SCAI: variants seen among roughly 807,000 people sequenced by gnomAD.
The protein encoded by SCAI is protein SCAI.
In SCAI, 24 loss-of-function variants were observed where a neutral mutation model predicts 92.2. The observed-to-expected ratio is 0.26, with a 90% confidence interval of 0.19 to 0.37. The LOEUF (loss-of-function observed/expected upper bound fraction) is 0.37, where lower values mean the gene tolerates loss of function less well. Among genes scored for constraint, SCAI ranks in the 10% least tolerant of loss-of-function variants. SCAI has a pLI of 1.00. For missense variants in SCAI, 450 were observed against 736.2 expected, an observed-to-expected ratio of 0.61 and a Z score of 4.50; for synonymous variants, 261 against 258.6, an observed-to-expected ratio of 1.01 and a Z score of -0.09.
At chr9:125,057,855 A>C (rs917808537) in intron 2 of SCAI, among the ~76,000 whole-genome samples, 1 of 152,196 alleles carries the variant, frequency 6.6e-6, no homozygotes, top group Non-Finnish European at 1.5e-5. Flanking sequence ...GCACTTTGGG[A>C]GGCAGAAGCA....
At chr9:125,008,335 C>A (rs993792815) in intron 9 of SCAI, among the ~76,000 whole-genome samples, 1 of 152,046 alleles carries the variant, frequency 6.6e-6, no homozygotes, top group Non-Finnish European at 1.5e-5. Flanking sequence ...CAGGGTTTCA[C>A]CATGTTGGCC....
intron 14 of SCAI, among the ~76,000 whole-genome samples, chr9:124,984,656 A>G (rs892655378): frequency 4.0e-5 from 6 of 151,864 alleles, no homozygotes; most frequent in African/African-American, 1.5e-4. Context: ...AAAATGGGGA[A>G]AGCTGTATAT....
chr9:125,015,731 G>A (rs575255205), intron 9 of SCAI, among the ~76,000 whole-genome samples: 8 of 152,048 alleles, frequency 5.3e-5, no homozygotes, highest in East Asian at 3.9e-4. Context: ...ACATGCACAC[G>A]TATGTCTACT....
At chr9:124,983,190 A>C (rs1025785174) in intron 14 of SCAI, among the ~76,000 whole-genome samples, 7 of 151,968 alleles carry the variant, frequency 4.6e-5, no homozygotes, top group Admixed American at 1.3e-4. Context: ...CATTCACTTA[A>C]AACAGTATAT....
rs993578975 is a variant in SCAI at position 125,091,764 on chromosome 9, C to T, written c.99-35757G>A. 2.6e-5 allele frequency among the ~76,000 whole-genome samples: 4 copies of T among 152,154 alleles called. No homozygotes were observed. Among genetic ancestry groups the T allele is most frequent in the Non-Finnish European group, 5.9e-5 (4 of 68,034 alleles). On this transcript the variant is annotated intron_variant, in intron 2 of 17. Transcript: ENST00000336505. The surrounding 1 kb of genome is among the most constrained non-coding windows in gnomAD (Gnocchi z 4.3). Reference sequence around the variant, plus strand: ...TTCTCTCCTCAAACATCCAACATCTCATCCGCCATCCCCACTTTTCAGCTG... The same window carrying T: ...TTCTCTCCTCAAACATCCAACATCTTATCCGCCATCCCCACTTTTCAGCTG...
At chr9:125,007,481 G>A (rs72765231) in intron 9 of SCAI, among the ~76,000 whole-genome samples, 5 of 151,980 alleles carry the variant, frequency 3.3e-5, no homozygotes, top group African/African-American at 1.2e-4. Context: ...TTGAGGCCAG[G>A]AGTTTGAGAC....
In SCAI at chr9:125,033,293, G is replaced by T. The variant is rs148172706; in HGVS notation, c.231-3554C>A. Among the ~76,000 whole-genome samples, 7 of 152,162 alleles carry T rather than the reference G, an allele frequency of 4.6e-5. No individual in the cohort carries two copies. The East Asian group carries it at 1.4e-3, about 29-fold the overall frequency. ...AAATGCTTCACAAAGAGAAAGATTT[G>T]GATAGGCAAAAGAGAAAGAAGAGAT... On this transcript the variant is annotated intron_variant, in intron 3 of 17. Transcript: ENST00000336505.
At chr9:125,029,404 G>A (rs1430175037) in intron 4 of SCAI, among the ~76,000 whole-genome samples, 1 of 152,160 alleles carries the variant, frequency 6.6e-6, no homozygotes, top group Admixed American at 6.5e-5. Flanking sequence ...TTACAGGCAT[G>A]AGCCACCATG....
chr9:125,060,262 GA>G (rs34193153), intron 2 of SCAI, among the ~76,000 whole-genome samples: 2,446 of 89,420 alleles, frequency 0.027, 28 homozygotes, highest in African/African-American at 0.055. Flanking sequence ...GGCTTAGTAT[GA>G]AAAAAAAAAA....
intron 17 of SCAI, among the ~76,000 whole-genome samples, chr9:124,958,286 G>A (rs947967805): frequency 6.6e-6 from 1 of 152,100 alleles, no homozygotes; most frequent in Admixed American, 6.5e-5. Flanking sequence ...AAATCTTTTG[G>A]GGAAGGGGAC....
chr9:125,046,116 T>A (rs1445436994), intron 3 of SCAI, among the ~76,000 whole-genome samples: 5 of 145,516 alleles, frequency 3.4e-5, no homozygotes, highest in African/African-American at 1.0e-4. Context: ...CACATGGTTA[T>A]AATGGCACAA....
At chr9:125,046,105 A>G (rs1288060701) in intron 3 of SCAI, among the ~76,000 whole-genome samples, 1 of 148,600 alleles carries the variant, frequency 6.7e-6, no homozygotes, top group Non-Finnish European at 1.5e-5. Context: ...ATACCTGCAC[A>G]CACATGGTTA....
intron 3 of SCAI, among the ~76,000 whole-genome samples, chr9:125,050,310 A>C (rs1056417798): frequency 2.0e-4 from 31 of 152,284 alleles, no homozygotes; most frequent in African/African-American, 6.7e-4. Flanking sequence ...AACCAAAAAA[A>C]CCTTATAATT....
intron 2 of SCAI, among the ~76,000 whole-genome samples, chr9:125,120,023 C>T (rs548880019): frequency 9.2e-5 from 14 of 152,266 alleles, no homozygotes; most frequent in East Asian, 7.7e-4. Flanking sequence ...AAACGTGACA[C>T]GTCGTTTGAG....
At chr9:125,108,043 G>C (rs567559461) in intron 2 of SCAI, among the ~76,000 whole-genome samples, 4 of 152,136 alleles carry the variant, frequency 2.6e-5, no homozygotes, top group Non-Finnish European at 4.4e-5. Context: ...TGTGTTGGCC[G>C]GGCTGGTCTC....
intron 2 of SCAI, among the ~76,000 whole-genome samples, chr9:125,132,680 C>G (rs1835427823): frequency 6.6e-6 from 1 of 152,082 alleles, no homozygotes; most frequent in African/African-American, 2.4e-5. Context: ...CAATTAAAAG[C>G]ATTCTCAGGC....
rs1831247718 is a variant in SCAI, at chr9:124,952,539, T to C, written c.*268A>G. Reference sequence around the variant, plus strand: ...AGGGTGAGAATAGTGACTATTTGAGTGTAGGATTAGAAGTTGGAGGTAAAT... The same window carrying C: ...AGGGTGAGAATAGTGACTATTTGAGCGTAGGATTAGAAGTTGGAGGTAAAT... On this transcript the variant is annotated 3_prime_UTR_variant, in exon 18 of 18. Transcript: ENST00000336505. 3.2e-6 allele frequency: 1 copy of C among 311,780 alleles called. No individual in the cohort carries two copies. Among genetic ancestry groups the C allele is most frequent in the East Asian group, 6.7e-5 (1 of 14,952 alleles). The allele number at this position is 311,780 out of a possible 1,614,324, so 19.3% of individuals were successfully genotyped here. A position where few individuals can be genotyped will look rare whatever the true frequency, so the allele number is the denominator to read the frequency against.
chr9:125,117,892 T>C (rs1835079900), intron 2 of SCAI, among the ~76,000 whole-genome samples: 1 of 152,180 alleles, frequency 6.6e-6, no homozygotes, highest in Non-Finnish European at 1.5e-5. Flanking sequence ...ACTGTGCCAC[T>C]TCCTAGCTGT....
intron 14 of SCAI, among the ~76,000 whole-genome samples, chr9:124,976,786 T>C (rs958346498): frequency 5.9e-5 from 9 of 151,700 alleles, no homozygotes; most frequent in African/African-American, 2.2e-4. Context: ...CTCCTAGGAG[T>C]AAACTTAAAA....
Sources: allele counts gnomAD v4.1 joint callset (sites outside exome capture counted in the v4.1 genomes callset), GRCh38; gene constraint gnomAD v4.1.1; non-coding constraint Gnocchi (gnomAD v3.1); transcripts MANE v1.5; gene names NCBI Gene and HGNC (gene_info 2026-07-23, HGNC 2026-07-21).